BCAS3: variants seen among roughly 807,000 people sequenced by gnomAD.
BCAS3 encodes the protein BCAS3 microtubule associated cell migration factor.
A neutral mutation model predicts 116.1 loss-of-function variants in BCAS3; 53 were observed. The observed-to-expected ratio is 0.46, with a 90% CI of 0.37 to 0.57. The LOEUF is 0.57. Ranked by LOEUF, BCAS3 falls within the 20% of genes least tolerant of loss-of-function variation. BCAS3 has a pLI of 0.00. For missense variants in BCAS3, 917 were observed against 1,165.4 expected, an observed-to-expected ratio of 0.79 and a Z score of 3.10; for synonymous variants, 391 against 408.2, an observed-to-expected ratio of 0.96 and a Z score of 0.51.
intron 13 of BCAS3, among the ~76,000 whole-genome samples, chr17:60,940,035 G>C (rs1444159226): frequency 1.3e-5 from 2 of 152,104 alleles, no homozygotes; most frequent in African/African-American, 2.4e-5. Flanking sequence ...ACAATTCAAA[G>C]AGAAAGAAAA....
At chr17:60,825,485 G>GTAATTTATAAATAATAATTATTTATAA (rs1266264651) in intron 7 of BCAS3, among the ~76,000 whole-genome samples, 23 of 146,346 alleles carry the variant, frequency 1.6e-4, no homozygotes, top group East Asian at 2.0e-4. Context: ...CACAAACTTG[G>GTAATTTATAAATAATAATTATTTATAA]TAATTTATAA....
chr17:61,178,498 A>G (rs1009071735), intron 22 of BCAS3, among the ~76,000 whole-genome samples: 2 of 152,156 alleles, frequency 1.3e-5, no homozygotes, highest in African/African-American at 4.8e-5. Flanking sequence ...GAGATGGGTC[A>G]TTATCCTACA....
At chr17:61,375,559 T>G (rs1430317257) in intron 23 of BCAS3, among the ~76,000 whole-genome samples, 1 of 151,656 alleles carries the variant, frequency 6.6e-6, no homozygotes, top group Non-Finnish European at 1.5e-5. Flanking sequence ...CAGTACCATG[T>G]GTTAATTATC....
chr17:61,236,896 A>T (rs758467), intron 22 of BCAS3, among the ~76,000 whole-genome samples: 2 of 151,934 alleles, frequency 1.3e-5, no homozygotes, highest in Admixed American at 6.6e-5. Flanking sequence ...AATTGGAGGC[A>T]GGAAAGTTGG....
At chr17:60,903,635 G>A (rs1567832658) in intron 11 of BCAS3, among the ~76,000 whole-genome samples, 1 of 152,090 alleles carries the variant, frequency 6.6e-6, no homozygotes, top group African/African-American at 2.4e-5. Flanking sequence ...GTTTTGCCAT[G>A]TTACGCAGGC....
intron 6 of BCAS3, among the ~76,000 whole-genome samples, chr17:60,803,631 T>G (rs2048005464): frequency 6.6e-6 from 1 of 152,134 alleles, no homozygotes; most frequent in Non-Finnish European, 1.5e-5. Flanking sequence ...AACCATTTAC[T>G]TGTTTCTTCT....
chr17:60,899,223 G>A (rs1178242627), intron 10 of BCAS3, among the ~76,000 whole-genome samples: 1 of 152,016 alleles, frequency 6.6e-6, no homozygotes, highest in Non-Finnish European at 1.5e-5. Context: ...TGGGGAAAAT[G>A]TGTCTCTTTC....
At position 61,118,184 on chromosome 17, in the gene BCAS3, C is replaced by T. The variant is rs989236919; in HGVS notation, c.2425+33620C>T. 1.3e-5 allele frequency among the ~76,000 whole-genome samples: 2 copies of T among 152,150 alleles called. No homozygotes were observed. Among genetic ancestry groups the T allele is most frequent in the African/African-American group, 4.8e-5 (2 of 41,418 alleles). ...ACAATGGCAGGGGAAGTAGGATGTTCTACCTCGTTTCTGCCAGGTGGAGGT... is the reference window on the plus strand; with the variant it reads ...ACAATGGCAGGGGAAGTAGGATGTTTTACCTCGTTTCTGCCAGGTGGAGGT... On this transcript the variant is annotated intron_variant, in intron 22 of 23. Coordinates refer to ENST00000407086, the MANE Select transcript of BCAS3 (RefSeq NM_017679.5). The surrounding 1 kb of genome is among the most constrained non-coding windows in gnomAD (Gnocchi z 5.0).
At chr17:60,761,428 G>C (rs1681311919) in intron 6 of BCAS3, among the ~76,000 whole-genome samples, 1 of 122,122 alleles carries the variant, frequency 8.2e-6, no homozygotes, top group African/African-American at 6.0e-5. Flanking sequence ...TGTTCTCATT[G>C]TTCCACCTAT....
chr17:60,849,914 G>A (rs8069714), intron 7 of BCAS3, among the ~76,000 whole-genome samples: 4,593 of 152,104 alleles, frequency 0.03, 177 homozygotes, highest in East Asian at 0.091. Context: ...GCGTGCTACC[G>A]TGCCTCGCTG....
At position 61,145,048 on chromosome 17, in the gene BCAS3, C is replaced by A. The variant is rs1482367821; in HGVS notation, c.2425+60484C>A. Among the ~76,000 whole-genome samples, 1 of 152,208 alleles carries A rather than the reference C, an allele frequency of 6.6e-6. No homozygotes were observed. The highest frequency in any genetic ancestry group is 2.4e-5 in the African/African-American group (1 of 41,450). On this transcript the variant is annotated intron_variant, in intron 22 of 23. Transcript: ENST00000407086. This position sits in a 1 kb window ranked among gnomAD's most constrained non-coding sequence, Gnocchi z 5.0. ...TTAGAACAAGATAACAACTCCAGGC[C>A]AGCTGTCAAATGTTTACCATTATCA...
intron 22 of BCAS3, among the ~76,000 whole-genome samples, chr17:61,322,802 GAGAGAGAGAGAGAGAGAGAGAGAGAGAC>G (rs1568850137): frequency 1.9e-3 from 243 of 125,358 alleles, no homozygotes; most frequent in Non-Finnish European, 2.5e-3. Flanking sequence ...GACAGAGAGA[GAGAGAGAGAGAGAGAGAGAGAGAGAGAC>G]AGAGAGAGAG....
At chr17:61,127,797 TG>T (rs2076123952) in intron 22 of BCAS3, among the ~76,000 whole-genome samples, 1 of 150,516 alleles carries the variant, frequency 6.6e-6, no homozygotes, top group Non-Finnish European at 1.5e-5. Context: ...TTTCTGTTTT[TG>T]GGGGAGTGGA....
At chr17:60,739,445 C>A (rs2041309172) in intron 5 of BCAS3, among the ~76,000 whole-genome samples, 1 of 151,948 alleles carries the variant, frequency 6.6e-6, no homozygotes, top group Admixed American at 6.6e-5. Flanking sequence ...TGTGGTAAAA[C>A]CCTGTCTCTA....
chr17:60,874,579 T>A (rs532424474), intron 8 of BCAS3, 83 bp from the exon 9 acceptor site: 127 of 905,970 alleles, frequency 1.4e-4, no homozygotes, highest in Non-Finnish European at 2.1e-4. Context: ...TTCATCTAGA[T>A]GATATAATGC....
intron 7 of BCAS3, among the ~76,000 whole-genome samples, chr17:60,822,801 A>G (rs535944532): frequency 6.6e-6 from 1 of 152,318 alleles, no homozygotes; most frequent in East Asian, 1.9e-4. Flanking sequence ...TGCTTTAACC[A>G]ATAACATGTC....
At position 61,021,872 on chromosome 17, in the gene BCAS3, C is replaced by G. The variant is rs2065900120; in HGVS notation, c.1637+5971C>G. On this transcript the variant is annotated intron_variant, in intron 16 of 23. Transcript: ENST00000407086. This position sits in a 1 kb window ranked among gnomAD's most constrained non-coding sequence, Gnocchi z 4.6. ...TAATTCAATTAGGTACACCTTGGCT[C>G]AGTTACACAGTTTGGCCTGAGCCTT... Among the ~76,000 whole-genome samples the G allele has an allele frequency of 6.6e-6, 1 of 152,120 alleles. No homozygotes were observed. Among genetic ancestry groups the G allele is most frequent in the Non-Finnish European group, 1.5e-5 (1 of 68,018 alleles).
Position 60,709,492 on chromosome 17 carries a change from C to T in BCAS3, c.321+167C>T, listed in dbSNP as rs572459664. On this transcript the variant is annotated intron_variant, in intron 5 of 23. Coordinates refer to ENST00000407086, the MANE Select transcript of BCAS3 (RefSeq NM_017679.5). The stretch of plus-strand genomic sequence containing the variant: ...GCAACCTCTGCCTCCCAGCTTCAAG[C>T]GATTCTCCTGCCTCAACCTCCCGAG... 318 of 471,102 alleles carry T rather than the reference C, an allele frequency of 6.8e-4. 2 individuals are homozygous for T. The highest frequency in any genetic ancestry group is 5.5e-3 in the African/African-American group (275 of 49,584). 29.2% of individuals were successfully genotyped at this position (471,102 alleles called of 1,614,324 possible).
At chr17:60,820,497 C>A (rs1598938314) in intron 7 of BCAS3, among the ~76,000 whole-genome samples, 1 of 152,242 alleles carries the variant, frequency 6.6e-6, no homozygotes, top group South Asian at 2.1e-4. Flanking sequence ...ATAGAGAATG[C>A]AGTGTGTATT....
Sources: gnomAD v4.1 joint callset for allele counts (sites outside exome capture counted in the v4.1 genomes callset) on GRCh38, gnomAD v4.1.1 for gene constraint, Gnocchi (gnomAD v3.1) non-coding constraint, MANE v1.5 for transcripts, NCBI Gene and HGNC (gene_info 2026-07-23, HGNC 2026-07-21) for gene names.